The following EVA1A variants were observed in gnomAD, a reference collection of about 807,000 sequenced individuals.
EVA1A encodes eva-1 homolog A, regulator of programmed cell death, also known as protein eva-1 homolog A.
In EVA1A, 7 loss-of-function variants were observed where a neutral mutation model predicts 9.8. The ratio of observed to expected loss-of-function variants is 0.71; its 90% CI spans 0.41 to 1.34. The LOEUF (loss-of-function observed/expected upper bound fraction) is 1.34, where lower values mean the gene tolerates loss of function less well. Ranked by LOEUF, EVA1A falls within the 40% of genes most tolerant of loss-of-function variation. The pLI, the probability that EVA1A is intolerant of heterozygous loss-of-function variation, is 0.01. For missense variants in EVA1A, 206 were observed against 205.9 expected (o/e 1.00, Z 0.00); for synonymous variants, 90 against 85.6 (o/e 1.05, Z -0.28).
chr2:75,546,430 G>T (rs1459692739), intron 1 of EVA1A, among the ~76,000 whole-genome samples: 1 of 152,150 alleles, frequency 6.6e-6, no homozygotes. Context: ...AGTGAATGAA[G>T]ATGAGAGAAC....
At chr2:75,516,067 G>A (rs1674996897) in intron 3 of EVA1A, among the ~76,000 whole-genome samples, 1 of 152,184 alleles carries the variant, frequency 6.6e-6, no homozygotes, top group Admixed American at 6.5e-5. Flanking sequence ...AAATACGAGG[G>A]GCCAGGGGCC....
intron 1 of EVA1A, among the ~76,000 whole-genome samples, chr2:75,536,071 T>C (rs1031196879): frequency 1.3e-5 from 2 of 152,236 alleles, no homozygotes; most frequent in African/African-American, 4.8e-5. Context: ...TAGTTTCTTA[T>C]AGTGTATAGT....
At chr2:75,550,710 C>T (rs1049532667) in intron 1 of EVA1A, among the ~76,000 whole-genome samples, 9 of 152,196 alleles carry the variant, frequency 5.9e-5, no homozygotes, top group Non-Finnish European at 1.3e-4. Flanking sequence ...TGATATCCAA[C>T]TATCAACATG....
At chr2:75,518,773 C>T (rs1675128963) in intron 2 of EVA1A, 1 of 986,120 alleles carries the variant, frequency 1.0e-6, no homozygotes, top group East Asian at 1.1e-4. Context: ...GCTGTGCTTT[C>T]CCGGGAGCCT....
At chr2:75,535,163 A>G (rs1050953722) in intron 1 of EVA1A, among the ~76,000 whole-genome samples, 3 of 152,174 alleles carry the variant, frequency 2.0e-5, no homozygotes, top group African/African-American at 4.8e-5. Flanking sequence ...ATGGCCAACA[A>G]ATATATGAAA....
rs534922216 is a variant in EVA1A at position 75,540,343 on chromosome 2, A to G, written c.-191-17856T>C. On this transcript the variant is annotated intron_variant, in intron 1 of 3. Coordinates refer to ENST00000393913, the MANE Select transcript of EVA1A (RefSeq NM_001135032.2). The stretch of plus-strand genomic sequence containing the variant: ...CATTTTCTCATCATTTCCTATCTGA[A>G]TAGACGGAAGCACAAGCTGGGGCTC... 9.8e-5 allele frequency among the ~76,000 whole-genome samples: 15 copies of G among 152,348 alleles called. No homozygotes were observed. The South Asian group carries it at 3.1e-3, about 32-fold the overall frequency.
At chr2:75,566,222 C>T (rs927086286) in intron 1 of EVA1A, among the ~76,000 whole-genome samples, 7 of 152,206 alleles carry the variant, frequency 4.6e-5, no homozygotes, top group South Asian at 2.1e-4. Context: ...TATAGTCCAA[C>T]CTTTTGCCAA....
intron 3 of EVA1A, among the ~76,000 whole-genome samples, chr2:75,503,303 C>A (rs1361979644): frequency 6.6e-6 from 1 of 152,214 alleles, no homozygotes; most frequent in Non-Finnish European, 1.5e-5. Flanking sequence ...GGCCAGTGAT[C>A]CACCCTGGTC....
intron 3 of EVA1A, among the ~76,000 whole-genome samples, chr2:75,513,632 C>A (rs1572957168): frequency 6.6e-6 from 1 of 152,166 alleles, no homozygotes; most frequent in Admixed American, 6.5e-5. Flanking sequence ...TGCAGACAAC[C>A]AAAGTGTCCA....
At chr2:75,521,702 A>C (rs1279787396) in intron 2 of EVA1A, among the ~76,000 whole-genome samples, 1 of 152,192 alleles carries the variant, frequency 6.6e-6, no homozygotes, top group Non-Finnish European at 1.5e-5. Flanking sequence ...ACAGGGTACA[A>C]AGTTTCTGTT....
At chr2:75,523,469 C>T (rs372435567) in intron 1 of EVA1A, among the ~76,000 whole-genome samples, 6 of 152,136 alleles carry the variant, frequency 3.9e-5, no homozygotes, top group South Asian at 2.1e-4. Flanking sequence ...CTTATATCAC[C>T]GGCTGGGGAG....
At chr2:75,538,027 C>T (rs1675978996) in intron 1 of EVA1A, among the ~76,000 whole-genome samples, 1 of 152,194 alleles carries the variant, frequency 6.6e-6, no homozygotes, top group South Asian at 2.1e-4. Context: ...TGGTGGCTCA[C>T]ACCTGTAATC....
At chr2:75,565,104 G>A (rs1677001117), upstream of EVA1A, among the ~76,000 whole-genome samples, 1 of 152,158 alleles carries the variant, frequency 6.6e-6, no homozygotes, top group Non-Finnish European at 1.5e-5. Context: ...GTCTATCAAT[G>A]CAGTTCAGCT....
At chr2:75,557,214 C>T (rs1249448910) in intron 1 of EVA1A, among the ~76,000 whole-genome samples, 1 of 152,198 alleles carries the variant, frequency 6.6e-6, no homozygotes, top group East Asian at 1.9e-4. Context: ...GTCTAGCCCA[C>T]AGAGCAAGTG....
intron 1 of EVA1A, among the ~76,000 whole-genome samples, chr2:75,525,813 G>T (rs867137917): frequency 2.0e-5 from 3 of 152,218 alleles, no homozygotes; most frequent in Non-Finnish European, 2.9e-5. Context: ...CGTGGTGGTG[G>T]CCACAGACCA....
intron 3 of EVA1A, among the ~76,000 whole-genome samples, chr2:75,512,360 GA>G (rs1274530756): frequency 6.6e-6 from 1 of 152,160 alleles, no homozygotes; most frequent in African/African-American, 2.4e-5. Flanking sequence ...ATATGTGGGA[GA>G]GTGTGGGTGG....
At chr2:75,521,098 A>G (rs1185469746) in intron 2 of EVA1A, among the ~76,000 whole-genome samples, 3 of 152,250 alleles carry the variant, frequency 2.0e-5, no homozygotes, top group Non-Finnish European at 4.4e-5. Context: ...CAATAGGCAC[A>G]TGAAAAGATG....
At chr2:75,503,731 A>G (rs1408330395) in intron 3 of EVA1A, among the ~76,000 whole-genome samples, 2 of 152,232 alleles carry the variant, frequency 1.3e-5, no homozygotes, top group African/African-American at 2.4e-5. Context: ...TCATATGCAG[A>G]TGGAAACTGG....
Position 75,553,996 on chromosome 2 carries a change from C to T in EVA1A, c.-192+6684G>A, listed in dbSNP as rs115720940. Among the ~76,000 whole-genome samples, 612 of 152,294 alleles carry T rather than the reference C, an allele frequency of 4.0e-3. 2 individuals carry two copies. The highest frequency in any genetic ancestry group is 6.7e-3 in the Non-Finnish European group (454 of 68,024). On this transcript the variant is annotated intron_variant, in intron 1 of 3. Transcript: ENST00000393913. ...GGAACTCAGGAAAGAAATGCTTCTT[C>T]CAGTAACAGGCCCTACCCGTCTCCT...
Sources: gnomAD v4.1 joint callset for allele counts (sites outside exome capture counted in the v4.1 genomes callset) on GRCh38, gnomAD v4.1.1 for gene constraint, MANE v1.5 for transcripts, NCBI Gene and HGNC (gene_info 2026-07-23, HGNC 2026-07-21) for gene names.